MIA2: variants seen among roughly 807,000 people sequenced by gnomAD.
MIA2 encodes MIA SH3 domain ER export factor 2.
Under a neutral mutation model 167.8 loss-of-function variants are expected in MIA2, and 127 were observed. The ratio of observed to expected loss-of-function variants is 0.76; its 90% confidence interval spans 0.66 to 0.88. MIA2 has a LOEUF of 0.88. MIA2 is among the 40% of genes least tolerant of loss of function. MIA2 has a pLI of 0.00. For missense variants in MIA2, 1,690 were observed against 1,624.7 expected (o/e 1.04, Z -0.69); for synonymous variants, 552 against 541.9 (o/e 1.02, Z -0.26).
chr14:39,240,334 T>TGAAA (rs2053983856), intron 2 of MIA2, among the ~76,000 whole-genome samples: 3 of 152,310 alleles, frequency 2.0e-5, no homozygotes, highest in South Asian at 2.1e-4. Flanking sequence ...TTCTGAAGTT[T>TGAAA]GAAACAGTGA....
intron 25 of MIA2, among the ~76,000 whole-genome samples, chr14:39,335,204 A>G (rs1210519020): frequency 2.6e-5 from 4 of 152,196 alleles, no homozygotes; most frequent in African/African-American, 9.6e-5. Flanking sequence ...CTTCTCACTA[A>G]TAATTGTCTT....
chr14:39,356,478 GTGT>G (rs1373691279), intron 23 of MIA2, among the ~76,000 whole-genome samples: 1 of 152,010 alleles, frequency 6.6e-6, no homozygotes, highest in Non-Finnish European at 1.5e-5. Flanking sequence ...TGGTCTATCA[GTGT>G]TGTTGATCTT....
chr14:39,263,001 C>T (rs889284505), intron 6 of MIA2, among the ~76,000 whole-genome samples: 2 of 152,190 alleles, frequency 1.3e-5, no homozygotes, highest in African/African-American at 4.8e-5. Context: ...ACTGAATACC[C>T]TTTATTTCCT....
At chr14:39,302,906 T>C (rs1333328078) in intron 15 of MIA2, among the ~76,000 whole-genome samples, 2 of 152,164 alleles carry the variant, frequency 1.3e-5, no homozygotes, top group African/African-American at 4.8e-5. Context: ...TTCAGACTTT[T>C]ATGTCATTTT....
rs369305426 is a variant in MIA2 at position 39,237,002 on chromosome 14, A to G, written c.196A>G (p.Ile66Val). The G allele has an allele frequency of 4.0e-5, 64 of 1,613,996 alleles. No individual in the cohort carries two copies. Among genetic ancestry groups the G allele is most frequent in the Non-Finnish European group, 4.9e-5 (58 of 1,179,980 alleles). The change falls in exon 2 of 29, where the codon ATA becomes GTA. Residue 66 changes from isoleucine to valine, a missense_variant. Coordinates refer to ENST00000640607, the MANE Select transcript of MIA2 (RefSeq NM_001329214.4). ...RYLNFTKGEE[I>V]SVYVKLAGER... The stretch of plus-strand genomic sequence containing the variant: ...CCTGAACTTCACTAAGGGAGAAGAG[A>G]TATCTGTTTATGTTAAACTTGCAGG...
Position 39,317,983 on chromosome 14 carries a change from A to G in MIA2, c.3256A>G (p.Arg1086Gly), listed in dbSNP as rs144210779. The G allele has an allele frequency of 3.8e-5, 60 of 1,584,034 alleles. No individual in the cohort carries two copies. The African/African-American group carries it at 7.1e-4, about 19-fold the overall frequency. ...RNAERNLNDL[R>G]KENAHNRQKL... Reference sequence around the variant, plus strand: ...TGCTGAAAGAAACCTCAATGATTTAAGGAAAGAAAATGCTCACAACAGACA... The same window carrying G: ...TGCTGAAAGAAACCTCAATGATTTAGGGAAAGAAAATGCTCACAACAGACA... Residue 1086 changes from arginine to glycine, a missense_variant, in exon 22 of 29, where the codon AGG (arginine) becomes GGG (glycine). By Grantham distance (125) the Arg-to-Gly change is moderately radical. Coordinates refer to ENST00000640607, the MANE Select transcript of MIA2 (RefSeq NM_001329214.4).
intron 18 of MIA2, among the ~76,000 whole-genome samples, chr14:39,312,965 C>T (rs1216279421): frequency 6.6e-6 from 1 of 151,990 alleles, no homozygotes. Context: ...ATTAACGAAA[C>T]ACATTTTATT....
chr14:39,325,894 A>C (rs1173238561), intron 24 of MIA2, among the ~76,000 whole-genome samples: 2 of 150,504 alleles, frequency 1.3e-5, no homozygotes, highest in Non-Finnish European at 2.9e-5. Flanking sequence ...TTGTACTTTT[A>C]GTAGAGACAG....
At chr14:39,370,682 G>T in intron 23 of MIA2, 1 of 221,424 alleles carries the variant, frequency 4.5e-6, no homozygotes. Flanking sequence ...GCACAGCAGA[G>T]CCACCACTTC....
rs764615775 is a variant in MIA2 at position 39,247,799 on chromosome 14, G to T, written c.1225G>T (p.Asp409Tyr). The T allele has an allele frequency of 6.2e-7, 1 of 1,612,474 alleles. No homozygotes were observed. The highest frequency in any genetic ancestry group is 8.5e-7 in the Non-Finnish European group (1 of 1,179,740). Residue 409 changes from aspartate (D) to tyrosine (Y), a missense_variant, in exon 4 of 29, where the codon GAT (aspartate) becomes TAT (tyrosine). Asp to Tyr is a radical substitution (Grantham distance 160). Coordinates refer to ENST00000640607, the MANE Select transcript of MIA2 (RefSeq NM_001329214.4). ...DRKNEEDGGA[D>Y]EHEHPLTSEL... is the part of the protein sequence containing the mutation. ...GAAAAATGAAGAAGATGGTGGGGCA[G>T]ATGAACATGAACATCCTCTAACAAG... is the stretch of plus-strand genomic sequence containing the variant.
chr14:39,331,003 C>A (rs1006185969), intron 25 of MIA2, among the ~76,000 whole-genome samples: 3 of 151,978 alleles, frequency 2.0e-5, no homozygotes, highest in Admixed American at 2.0e-4. Context: ...GAATTCAAGT[C>A]CTGAATATTG....
intron 22 of MIA2, among the ~76,000 whole-genome samples, chr14:39,318,451 T>TAA (rs2065873224): frequency 6.6e-6 from 1 of 152,150 alleles, no homozygotes; most frequent in African/African-American, 2.4e-5. Context: ...AAAGGTAGAA[T>TAA]AAAAGTCTAC....
chr14:39,237,067 C>T lies in MIA2; in HGVS notation c.249+12C>T. 6.2e-7 allele frequency: 1 copy of T among 1,608,510 alleles called. No homozygotes were observed. ...TGTGGGCAGGAAGTGTAAGTAACTA[C>T]TTTTAAAAATTGAATGCAGAATAAA... is the stretch of plus-strand genomic sequence containing the variant. On this transcript the variant is annotated intron_variant, in intron 2 of 28. Transcript: ENST00000640607.
rs535630997 is a variant in MIA2 at position 39,328,503 on chromosome 14, C to G, written c.3655+1481C>G. On this transcript the variant is annotated intron_variant, in intron 25 of 28. Coordinates refer to ENST00000640607, the MANE Select transcript of MIA2 (RefSeq NM_001329214.4). ...CATGTGTCAATTTTGGCTTTTGTTGCCATTGCTTTTGTTGTTTTAGTCATG... is the reference window on the plus strand; with the variant it reads ...CATGTGTCAATTTTGGCTTTTGTTGGCATTGCTTTTGTTGTTTTAGTCATG... Among the ~76,000 whole-genome samples, 39 of 152,236 alleles carry G rather than the reference C, an allele frequency of 2.6e-4. No individual in the cohort carries two copies. In the East Asian group the frequency reaches 6.0e-3, roughly 23 times the overall value.
chr14:39,305,204 T>G (rs2063142835), intron 17 of MIA2, among the ~76,000 whole-genome samples: 1 of 152,216 alleles, frequency 6.6e-6, no homozygotes, highest in African/African-American at 2.4e-5. Context: ...ACTCACATGA[T>G]TATAGTAATT....
Position 39,247,512 on chromosome 14 carries a change from G to T in MIA2, c.938G>T (p.Gly313Val), listed in dbSNP as rs140694928. The T allele has an allele frequency of 9.4e-5, 152 of 1,613,908 alleles. No homozygotes were observed. Among genetic ancestry groups the T allele is most frequent in the Non-Finnish European group, 1.1e-4 (134 of 1,179,992 alleles). ...KPQSTGWFGG[G>V]FTSYLGFGDE... is the part of the protein sequence containing the mutation. ...CAATCCACTGGTTGGTTTGGTGGAGGATTTACAAGTTATTTAGGTTTTGGA... is the reference window on the plus strand; with the variant it reads ...CAATCCACTGGTTGGTTTGGTGGAGTATTTACAAGTTATTTAGGTTTTGGA... The change falls in exon 4 of 29, where the codon GGA becomes GTA. Residue 313 changes from glycine to valine, a missense_variant. Coordinates refer to ENST00000640607, the MANE Select transcript of MIA2 (RefSeq NM_001329214.4).
downstream of MIA2, among the ~76,000 whole-genome samples, chr14:39,353,348 C>CA (rs2074440367): frequency 6.6e-6 from 1 of 152,126 alleles, no homozygotes; most frequent in South Asian, 2.1e-4. Flanking sequence ...CCCTCACACC[C>CA]AAAAGCCCTT....
rs76582414 is a variant in MIA2, at chr14:39,332,800, T to C, written c.3655+5778T>C. 2.0e-3 allele frequency among the ~76,000 whole-genome samples: 311 copies of C among 152,168 alleles called. 2 individuals carry two copies. Among genetic ancestry groups the C allele is most frequent in the African/African-American group, 7.3e-3 (304 of 41,502 alleles). Reference sequence around the variant, plus strand: ...ATGAACCAGGTACCTCAGTTGGAAATGAAGACATCACCCGCCTTCTGCTTT... The same window carrying C: ...ATGAACCAGGTACCTCAGTTGGAAACGAAGACATCACCCGCCTTCTGCTTT... On this transcript the variant is annotated intron_variant, in intron 25 of 28. Transcript: ENST00000640607.
At chr14:39,353,862 G>A (rs8016293), downstream of MIA2, among the ~76,000 whole-genome samples, 1 of 152,020 alleles carries the variant, frequency 6.6e-6, no homozygotes, top group East Asian at 1.9e-4. Flanking sequence ...TTGGTTTCCA[G>A]CTTCATCCAT....
Sources: gnomAD v4.1 joint callset for allele counts (sites outside exome capture counted in the v4.1 genomes callset) on GRCh38, gnomAD v4.1.1 for gene constraint, MANE v1.5 for transcripts, NCBI Gene and HGNC (gene_info 2026-07-23, HGNC 2026-07-21) for gene names.